The following ZNF791 variants were observed in gnomAD, a reference collection of about 807,000 sequenced individuals.
ZNF791 encodes the protein zinc finger protein 791.
In ZNF791, 4 loss-of-function variants were observed where a neutral mutation model predicts 11.5. The observed-to-expected ratio is 0.35, with a 90% CI of 0.17 to 0.80. The LOEUF (loss-of-function observed/expected upper bound fraction) is 0.80, where lower values mean the gene tolerates loss of function less well. ZNF791 is among the 30% of genes least tolerant of loss of function. ZNF791 has a pLI of 0.53. For synonymous variants in ZNF791, 212 were observed against 228.1 expected, an observed-to-expected ratio of 0.93 and a Z score of 0.64; for missense variants, 559 against 699.4, an observed-to-expected ratio of 0.80 and a Z score of 2.26.
chr19:12,623,848 CTTT>C lies in ZNF791; in HGVS notation c.130+26_130+28del, dbSNP rs753518795. On this transcript the variant is annotated intron_variant, in intron 2 of 3. Transcript: ENST00000343325. ...ATAGGTAAGGATGACATCATTTTTT[CTTT>C]TTTCTTTTTTTTTTTTTTTGGGGGG... 10 of 798,970 alleles carry C rather than the reference CTTT, an allele frequency of 1.3e-5. 1 individual carries two copies. The highest frequency in any genetic ancestry group is 1.1e-4 in the South Asian group (4 of 37,468). The allele number at this position is 798,970 out of a possible 1,614,324, so 49.5% of individuals were successfully genotyped here. A position where few individuals can be genotyped will look rare whatever the true frequency, so the allele number is the denominator to read the frequency against.
intron 1 of ZNF791, among the ~76,000 whole-genome samples, chr19:12,620,336 T>C (rs2023319849): frequency 6.6e-6 from 1 of 151,992 alleles, no homozygotes; most frequent in South Asian, 2.1e-4. Context: ...CCACCACGCC[T>C]GGCCAAGTTT....
intron 1 of ZNF791, among the ~76,000 whole-genome samples, chr19:12,621,315 G>T (rs957104772): frequency 1.7e-4 from 26 of 152,064 alleles, no homozygotes; most frequent in African/African-American, 6.3e-4. Context: ...TGGGTATAAC[G>T]ATTTTGTGAA....
chr19:12,621,587 C>T (rs1056490162), intron 1 of ZNF791, among the ~76,000 whole-genome samples: 2 of 151,406 alleles, frequency 1.3e-5, no homozygotes, highest in East Asian at 3.9e-4. Context: ...GCCTCAAATA[C>T]TTCAGGACGA....
In ZNF791 at chr19:12,629,008, G is replaced by A. The variant is rs2023466635; in HGVS notation, c.1479G>A (p.Glu493=). The A allele has an allele frequency of 6.2e-7, 1 of 1,613,854 alleles. No individual in the cohort carries two copies. Among genetic ancestry groups the A allele is most frequent in the Non-Finnish European group, 8.5e-7 (1 of 1,179,950 alleles). Reference sequence around the variant, plus strand: ...TACATAAAAGAACTCACACTGGGGAGAAACCTTATGAATGTAAGGAATGCG... The same window carrying A: ...TACATAAAAGAACTCACACTGGGGAAAAACCTTATGAATGTAAGGAATGCG... The part of the protein sequence containing the change: ...IRIHKRTHTG[E]KPYECKECGK... The change falls in exon 4 of 4, where the codon GAG becomes GAA. Residue 493 remains glutamate, a synonymous_variant. Transcript: ENST00000343325.
chr19:12,625,116 ATTTGT>A (rs149676783), intron 3 of ZNF791, among the ~76,000 whole-genome samples: 4,606 of 151,450 alleles, frequency 0.03, 122 homozygotes, highest in African/African-American at 0.068. Context: ...TTATTTATTT[ATTTGT>A]TTTATTTATT....
In ZNF791 at chr19:12,611,056, C is replaced by G. The variant is rs758262770; in HGVS notation, c.-24C>G. 6.8e-6 allele frequency: 11 copies of G among 1,614,182 alleles called. No individual in the cohort carries two copies. The South Asian group carries it at 1.1e-4, about 16-fold the overall frequency. ...GGCTCCGTGAACCTTAGGGACAACA[C>G]CGGGACACCCGCGAGGCCGGAAAAT... On this transcript the variant is annotated 5_prime_UTR_variant, in exon 1 of 4. Coordinates refer to ENST00000343325, the MANE Select transcript of ZNF791 (RefSeq NM_153358.3).
intron 1 of ZNF791, among the ~76,000 whole-genome samples, chr19:12,621,047 C>T (rs1370345212): frequency 3.3e-5 from 5 of 152,026 alleles, no homozygotes; most frequent in Non-Finnish European, 5.9e-5. Flanking sequence ...AGGCATGAGC[C>T]ATCCTGACCC....
intron 1 of ZNF791, among the ~76,000 whole-genome samples, chr19:12,621,786 G>A (rs1162349273): frequency 1.2e-4 from 12 of 98,048 alleles, no homozygotes; most frequent in East Asian, 2.1e-4. Flanking sequence ...CAGCCCCCCC[G>A]CCCGGCCAGC....
intron 3 of ZNF791, among the ~76,000 whole-genome samples, chr19:12,624,967 T>A (rs1319969787): frequency 1.3e-5 from 2 of 151,758 alleles, no homozygotes; most frequent in African/African-American, 4.8e-5. Flanking sequence ...AGAGAATTAC[T>A]TGAATCCAGG....
intron 1 of ZNF791, among the ~76,000 whole-genome samples, chr19:12,621,545 A>G (rs1011740580): frequency 2.7e-4 from 41 of 151,868 alleles, no homozygotes; most frequent in Middle Eastern, 3.4e-3. Flanking sequence ...GAGTATTTCC[A>G]TTCAGTCAGC....
chr19:12,623,851 TTTTC>T (rs368465167), intron 2 of ZNF791, 25 bp downstream of exon 2: 116,791 of 852,502 alleles, frequency 0.14, 14,335 homozygotes, highest in Non-Finnish European at 0.16. Context: ...ATTTTTTCTT[TTTTC>T]TTTTTTTTTT....
At chr19:12,621,461 G>A (rs967769780) in intron 1 of ZNF791, among the ~76,000 whole-genome samples, 4 of 105,096 alleles carry the variant, frequency 3.8e-5, no homozygotes, top group Non-Finnish European at 8.0e-5. Context: ...GGGCGTGGTC[G>A]CTCATGCCTG....
Position 12,610,945 on chromosome 19 carries a change from T to G in ZNF791, c.-135T>G, listed in dbSNP as rs1234720449. 2.4e-6 allele frequency: 3 copies of G among 1,236,330 alleles called. No homozygotes were observed. Among genetic ancestry groups the G allele is most frequent in the Non-Finnish European group, 1.2e-6 (1 of 847,356 alleles). 76.6% of individuals were successfully genotyped at this position (1,236,330 alleles called of 1,614,324 possible). A position where few individuals can be genotyped will look rare whatever the true frequency, so the allele number is the denominator to read the frequency against. On this transcript the variant is annotated 5_prime_UTR_variant, in exon 1 of 4. Coordinates refer to ENST00000343325, the MANE Select transcript of ZNF791 (RefSeq NM_153358.3). ...AAATGCGTGCTACGTCACTGTGCGA[T>G]CGGGTTGTGCTTAGCTTGGGGTCTC...
rs1321240119 is a variant in ZNF791, at chr19:12,629,432, A to C, written c.*172A>C. 1 of 508,972 alleles carries C rather than the reference A, an allele frequency of 2.0e-6. No homozygotes were observed. Among genetic ancestry groups the C allele is most frequent in the East Asian group, 3.2e-5 (1 of 31,212 alleles). 31.5% of individuals were successfully genotyped at this position (508,972 alleles called of 1,614,324 possible). A position where few individuals can be genotyped will look rare whatever the true frequency, so the allele number is the denominator to read the frequency against. On this transcript the variant is annotated 3_prime_UTR_variant, in exon 4 of 4. Coordinates refer to ENST00000343325, the MANE Select transcript of ZNF791 (RefSeq NM_153358.3). The stretch of plus-strand genomic sequence containing the variant: ...ACCACATAATCATGTTTCAGTCAGC[A>C]ATGGACCATATAGGTTGGTAGCCCC...
intron 1 of ZNF791, among the ~76,000 whole-genome samples, chr19:12,611,554 ACAT>A (rs1323141473): frequency 6.6e-6 from 1 of 152,170 alleles, no homozygotes; most frequent in Non-Finnish European, 1.5e-5. Context: ...CCAGTGGAAA[ACAT>A]CGTCACCAAC....
intron 1 of ZNF791, among the ~76,000 whole-genome samples, chr19:12,617,921 T>TA (rs1176966423): frequency 2.1e-5 from 3 of 145,936 alleles, no homozygotes; most frequent in Non-Finnish European, 4.5e-5. Context: ...TGCTTTTTTT[T>TA]TTTTTTTTTT....
At chr19:12,620,330 C>G (rs1401387930) in intron 1 of ZNF791, among the ~76,000 whole-genome samples, 1 of 152,128 alleles carries the variant, frequency 6.6e-6, no homozygotes, top group Non-Finnish European at 1.5e-5. Context: ...CGTGCACCAC[C>G]ACGCCTGGCC....
intron 1 of ZNF791, among the ~76,000 whole-genome samples, chr19:12,616,747 C>G (rs1381511532): frequency 6.6e-6 from 1 of 152,182 alleles, no homozygotes; most frequent in African/African-American, 2.4e-5. Flanking sequence ...AGTCCTTAAT[C>G]AGATAAGTGC....
At chr19:12,616,561 C>G (rs539842543) in intron 1 of ZNF791, among the ~76,000 whole-genome samples, 2 of 152,150 alleles carry the variant, frequency 1.3e-5, no homozygotes, top group African/African-American at 4.8e-5. Context: ...ATGTGGGTGG[C>G]ACACCCCTGT....
Sources: gnomAD v4.1 joint callset for allele counts (sites outside exome capture counted in the v4.1 genomes callset) on GRCh38, gnomAD v4.1.1 for gene constraint, MANE v1.5 for transcripts, NCBI Gene and HGNC (gene_info 2026-07-23, HGNC 2026-07-21) for gene names.